Variants in UBASH3B observed in about 807,000 individuals in gnomAD.
UBASH3B encodes ubiquitin associated and SH3 domain containing B.
In UBASH3B, 37 loss-of-function variants were observed where a neutral mutation model predicts 83.4. The ratio of observed to expected loss-of-function variants is 0.44; its 90% confidence interval spans 0.34 to 0.58. The LOEUF (loss-of-function observed/expected upper bound fraction) is 0.58. Among genes scored for constraint, UBASH3B ranks in the 20% least tolerant of loss-of-function variants. The pLI, the probability that UBASH3B is intolerant of heterozygous loss-of-function variation, is 0.01. For synonymous variants in UBASH3B, 304 were observed against 318.3 expected, an observed-to-expected ratio of 0.96 and a Z score of 0.48; for missense variants, 657 against 827.2, an observed-to-expected ratio of 0.79 and a Z score of 2.52.
intron 1 of UBASH3B, among the ~76,000 whole-genome samples, chr11:122,733,405 A>C (rs998866989): frequency 1.3e-5 from 2 of 152,256 alleles, no homozygotes; most frequent in Non-Finnish European, 2.9e-5. Flanking sequence ...GAGTCTTAAC[A>C]TCAACAAGTA....
intron 5 of UBASH3B, among the ~76,000 whole-genome samples, chr11:122,785,880 CTAT>C (rs1176794802): frequency 6.6e-6 from 1 of 152,140 alleles, no homozygotes; most frequent in Non-Finnish European, 1.5e-5. Flanking sequence ...ATTGCTGCAG[CTAT>C]TATTGTGAGT....
chr11:122,796,384 A>G (rs1243950736), intron 8 of UBASH3B, 108 bp downstream of exon 8: 7 of 1,499,782 alleles, frequency 4.7e-6, no homozygotes, highest in African/African-American at 4.2e-5. Flanking sequence ...TTTGCGTACT[A>G]TAGAAGATGT....
chr11:122,797,144 A>G, intron 9 of UBASH3B, 111 bp downstream of exon 9: 1 of 1,407,564 alleles, frequency 7.1e-7, no homozygotes, highest in South Asian at 1.4e-5. Context: ...CTTTCCTACA[A>G]GTTTCCTCAA....
In UBASH3B at chr11:122,777,728, TTTG is replaced by T. The variant is rs1010601234; in HGVS notation, c.402+533_402+535del. On this transcript the variant is annotated intron_variant, in intron 3 of 13. Coordinates refer to ENST00000284273, the MANE Select transcript of UBASH3B (RefSeq NM_032873.5). The stretch of plus-strand genomic sequence containing the variant: ...CAGAAAGCTTATCTACTGACCAATT[TTTG>T]TTGTTGTTGTTGTTTTGAGACAGAG... Among the ~76,000 whole-genome samples, 8 of 152,184 alleles carry T rather than the reference TTTG, an allele frequency of 5.3e-5. No individual in the cohort carries two copies. In the East Asian group the frequency reaches 5.8e-4, roughly 11 times the overall value.
Position 122,776,780 on chromosome 11 carries a change from A to G in UBASH3B, c.216-244A>G, listed in dbSNP as rs866984003. On this transcript the variant is annotated intron_variant, in intron 2 of 13. Transcript: ENST00000284273. ...ATGCTTCCTGGAGAGCGGTTTTAGG[A>G]CTTTTTTAGGGAGTTGTAGGATGAG... 3.9e-5 allele frequency among the ~76,000 whole-genome samples: 6 copies of G among 152,222 alleles called. No individual in the cohort carries two copies. The South Asian group carries it at 1.2e-3, about 32-fold the overall frequency.
intron 1 of UBASH3B, among the ~76,000 whole-genome samples, chr11:122,741,608 C>T (rs929735624): frequency 9.9e-5 from 15 of 152,086 alleles, no homozygotes; most frequent in African/African-American, 2.9e-4. Flanking sequence ...GTGGGAAGGC[C>T]GAGACATTTG....
At chr11:122,789,864 T>C (rs555017513) in intron 6 of UBASH3B, among the ~76,000 whole-genome samples, 2 of 151,946 alleles carry the variant, frequency 1.3e-5, no homozygotes, top group African/African-American at 4.8e-5. Flanking sequence ...GGGGTCCATT[T>C]CCCCCCTCCC....
At chr11:122,755,531 C>G (rs1861269714) in intron 1 of UBASH3B, among the ~76,000 whole-genome samples, 1 of 152,160 alleles carries the variant, frequency 6.6e-6, no homozygotes, top group African/African-American at 2.4e-5. Flanking sequence ...AAGCCTCCAC[C>G]ATGAATGAAA....
At chr11:122,676,853 C>T (rs1363311876) in intron 1 of UBASH3B, among the ~76,000 whole-genome samples, 1 of 152,242 alleles carries the variant, frequency 6.6e-6, no homozygotes. Context: ...CTCCCGCCCC[C>T]AGGCTCTTCT....
At chr11:122,695,211 G>A (rs565050629) in intron 1 of UBASH3B, among the ~76,000 whole-genome samples, 47 of 152,148 alleles carry the variant, frequency 3.1e-4, no homozygotes, top group African/African-American at 9.6e-4. Flanking sequence ...TGATCCACCC[G>A]TCTTGGCCTC....
rs149493441 is a variant in UBASH3B, at chr11:122,812,085, A to T, written c.*2199A>T. 9.2e-5 allele frequency: 14 copies of T among 152,358 alleles called. No individual in the cohort carries two copies. The highest frequency in any genetic ancestry group is 2.9e-4 in the African/African-American group (12 of 41,588). The allele number at this position is 152,358 out of a possible 1,614,324, so 9.4% of individuals were successfully genotyped here. On this transcript the variant is annotated 3_prime_UTR_variant, in exon 14 of 14. Coordinates refer to ENST00000284273, the MANE Select transcript of UBASH3B (RefSeq NM_032873.5). ...ATCTTAGTTGTATGACGAACTGATA[A>T]ATCTGTCTGACTGGGCTACAATCCA...
chr11:122,662,972 C>CTTTTTTTTTTTT (rs568564848), intron 1 of UBASH3B, among the ~76,000 whole-genome samples: 13 of 110,588 alleles, frequency 1.2e-4, no homozygotes, highest in African/African-American at 4.0e-4. Flanking sequence ...GCGCTAATGT[C>CTTTTTTTTTTTT]TTTTTTTTTT....
rs776599575 is a variant in UBASH3B at position 122,656,121 on chromosome 11, C to G, written c.72C>G (p.Pro24=). ...AREELYSKVT[P]RRNRQQRPGT... Reference sequence around the variant, plus strand: ...AGGAGCTGTACAGCAAAGTCACCCCCCGGAGGAACCGCCAACAGCGCCCCG... The same window carrying G: ...AGGAGCTGTACAGCAAAGTCACCCCGCGGAGGAACCGCCAACAGCGCCCCG... The change falls in exon 1 of 14, where the codon CCC becomes CCG. Residue 24 remains proline, a synonymous_variant. Transcript: ENST00000284273. 1.3e-6 allele frequency: 2 copies of G among 1,598,798 alleles called. No homozygotes were observed. Among genetic ancestry groups the G allele is most frequent in the Non-Finnish European group, 1.7e-6 (2 of 1,173,876 alleles).
At chr11:122,696,949 C>T (rs565307541) in intron 1 of UBASH3B, among the ~76,000 whole-genome samples, 2 of 152,230 alleles carry the variant, frequency 1.3e-5, no homozygotes, top group East Asian at 1.9e-4. Flanking sequence ...GGTGGTTTAC[C>T]GTATTGTTTT....
chr11:122,671,803 A>T (rs1477539902), intron 1 of UBASH3B, among the ~76,000 whole-genome samples: 1 of 152,208 alleles, frequency 6.6e-6, no homozygotes, highest in Non-Finnish European at 1.5e-5. Context: ...TCCGAATGGG[A>T]TGACTCCCAG....
At chr11:122,679,502 A>G (rs924844869) in intron 1 of UBASH3B, among the ~76,000 whole-genome samples, 3 of 152,186 alleles carry the variant, frequency 2.0e-5, no homozygotes, top group Admixed American at 2.0e-4. Context: ...TCTCAGCTCT[A>G]CCTCAAACCC....
chr11:122,793,708 A>G (rs143575322), intron 6 of UBASH3B, among the ~76,000 whole-genome samples: 37 of 152,352 alleles, frequency 2.4e-4, no homozygotes, highest in African/African-American at 8.2e-4. Flanking sequence ...TCTTCCTTTC[A>G]GCAAGACCTC....
At chr11:122,673,751 A>G (rs1387261906) in intron 1 of UBASH3B, among the ~76,000 whole-genome samples, 1 of 152,202 alleles carries the variant, frequency 6.6e-6, no homozygotes, top group African/African-American at 2.4e-5. Context: ...AAAGAGTCCA[A>G]TCCTATCTCC....
chr11:122,754,992 G>A (rs776252562), intron 1 of UBASH3B, among the ~76,000 whole-genome samples: 1 of 152,160 alleles, frequency 6.6e-6, no homozygotes, highest in African/African-American at 2.4e-5. Context: ...GGTGGAATGG[G>A]CACTTGACAC....
Sources: allele counts gnomAD v4.1 joint callset (sites outside exome capture counted in the v4.1 genomes callset), GRCh38; gene constraint gnomAD v4.1.1; transcripts MANE v1.5; gene names NCBI Gene and HGNC (gene_info 2026-07-23, HGNC 2026-07-21).